Variants in PCDH11X observed in about 807,000 individuals in gnomAD.
PCDH11X encodes the protein protocadherin-11 X-linked.
A neutral mutation model predicts 53.3 loss-of-function variants in PCDH11X; 18 were observed. That is an observed-to-expected ratio of 0.34 (90% CI 0.23 to 0.50). The LOEUF (loss-of-function observed/expected upper bound fraction) is 0.50. PCDH11X is among the 20% of genes least tolerant of loss of function. The pLI, the probability that PCDH11X is intolerant of heterozygous loss-of-function variation, is 0.98. For synonymous variants in PCDH11X, 279 were observed against 393.3 expected (o/e 0.71, Z 3.44); for missense variants, 570 against 1,032.4 (o/e 0.55, Z 6.14).
At chrX:92,521,487 T>C (rs1287656163) in intron 10 of PCDH11X, among the ~76,000 whole-genome samples, 1 of 111,772 alleles carries the variant, frequency 8.9e-6, no homozygotes, top group African/African-American at 3.3e-5. Context: ...ATTCAGGCTT[T>C]GATGTTCCAT....
chrX:91,930,228 T>A (rs1440824812), intron 6 of PCDH11X, among the ~76,000 whole-genome samples: 6 of 108,021 alleles, frequency 5.6e-5, no homozygotes, highest in African/African-American at 1.7e-4. Flanking sequence ...AAAAAATTGG[T>A]AGTAATAGGT....
intron 10 of PCDH11X, among the ~76,000 whole-genome samples, chrX:92,577,502 G>A (rs754939651): frequency 1.8e-5 from 2 of 109,835 alleles, no homozygotes; most frequent in Non-Finnish European, 3.8e-5. Flanking sequence ...CCAGCTCCAA[G>A]ATTAGTTGAG....
At chrX:92,143,322 T>C (rs139681232) in intron 6 of PCDH11X, among the ~76,000 whole-genome samples, 214 of 112,192 alleles carry the variant, frequency 1.9e-3, no homozygotes, top group Non-Finnish European at 3.1e-3. Flanking sequence ...CTCCAGGCCA[T>C]GTCAGAGACT....
At chrX:91,959,767 A>ATC (rs1388052376) in intron 6 of PCDH11X, among the ~76,000 whole-genome samples, 1 of 106,194 alleles carries the variant, frequency 9.4e-6, no homozygotes, top group African/African-American at 3.4e-5. Flanking sequence ...GCATGCAGCT[A>ATC]TCTCTCTGAG....
In PCDH11X at chrX:92,217,785, T is replaced by C. The variant is rs1186204459; in HGVS notation, c.3114+16330T>C. On this transcript the variant is annotated intron_variant, in intron 7 of 10. Coordinates refer to ENST00000682573, the MANE Select transcript of PCDH11X (RefSeq NM_032968.5). ...GCACCACACCACAACTCTTCCAAAATTGACCACATAGTTGGAAGTAAAGGT... is the reference window on the plus strand; with the variant it reads ...GCACCACACCACAACTCTTCCAAAACTGACCACATAGTTGGAAGTAAAGGT... Among the ~76,000 whole-genome samples the C allele has an allele frequency of 2.7e-5, 3 of 111,187 alleles. 1 individual carries two copies. Among genetic ancestry groups the C allele is most frequent in the African/African-American group, 9.8e-5 (3 of 30,501 alleles).
At chrX:92,134,619 G>A (rs761756150) in intron 6 of PCDH11X, among the ~76,000 whole-genome samples, 3 of 111,016 alleles carry the variant, frequency 2.7e-5, no homozygotes, top group African/African-American at 6.5e-5. Context: ...GTGAAAGCAC[G>A]TTTATTAGGA....
At chrX:91,927,772 G>A (rs1489508329) in intron 6 of PCDH11X, among the ~76,000 whole-genome samples, 1 of 111,303 alleles carries the variant, frequency 9.0e-6, no homozygotes, top group Non-Finnish European at 1.9e-5. Flanking sequence ...TAGGGAAGCA[G>A]GGGAAAAAAA....
chrX:92,349,725 A>G (rs1390739625), intron 8 of PCDH11X, among the ~76,000 whole-genome samples: 3 of 111,508 alleles, frequency 2.7e-5, no homozygotes, highest in Non-Finnish European at 5.6e-5. Context: ...GAGTATGCAT[A>G]CAGTCATTCA....
chrX:92,273,395 G>A (rs915525623), intron 8 of PCDH11X, among the ~76,000 whole-genome samples: 4 of 111,505 alleles, frequency 3.6e-5, no homozygotes, highest in African/African-American at 1.3e-4. Flanking sequence ...AATGTCATCA[G>A]TTAAGGCGGG....
intron 6 of PCDH11X, among the ~76,000 whole-genome samples, chrX:92,112,412 C>T (rs2064539107): frequency 9.2e-6 from 1 of 108,892 alleles, no homozygotes; most frequent in Middle Eastern, 4.4e-3. Context: ...CCAAAGAATT[C>T]CTGAAATGTT....
intron 6 of PCDH11X, among the ~76,000 whole-genome samples, chrX:92,076,118 A>G (rs1005054900): frequency 2.8e-5 from 3 of 108,550 alleles, no homozygotes; most frequent in Admixed American, 2.0e-4. Context: ...CTGAGTGGGC[A>G]TGGGAGAGAC....
Position 92,585,168 on chromosome X carries a change from T to C in PCDH11X, c.3368-33096T>C, listed in dbSNP as rs761561703. Among the ~76,000 whole-genome samples, 7 of 109,281 alleles carry C rather than the reference T, an allele frequency of 6.4e-5. No individual in the cohort carries two copies. The South Asian group carries it at 2.8e-3, about 44-fold the overall frequency. 94.9% of individuals were successfully genotyped at this position (109,281 alleles called of 115,157 possible). ...ACACTTTTAAACAAGCAGATCTCAC[T>C]CACTATCAAAAGAACAGCATCAAGA... On this transcript the variant is annotated intron_variant, in intron 10 of 10. Coordinates refer to ENST00000682573, the MANE Select transcript of PCDH11X (RefSeq NM_032968.5).
intron 6 of PCDH11X, among the ~76,000 whole-genome samples, chrX:91,969,130 G>A (rs1380103984): frequency 1.8e-5 from 2 of 109,792 alleles, no homozygotes; most frequent in Non-Finnish European, 3.8e-5. Flanking sequence ...ACAGTATGAG[G>A]GTATAATACC....
intron 6 of PCDH11X, among the ~76,000 whole-genome samples, chrX:91,963,622 ATTTCCAAAAT>A (rs1222206531): frequency 9.0e-6 from 1 of 110,903 alleles, no homozygotes; most frequent in Non-Finnish European, 1.9e-5. Flanking sequence ...CCTGTTACCC[ATTTCCAAAAT>A]CGCTTCCACA....
At position 92,148,059 on chromosome X, in the gene PCDH11X, T is replaced by C. The variant is rs1388866124; in HGVS notation, c.3034-53316T>C. 2.8e-3 allele frequency among the ~76,000 whole-genome samples: 16 copies of C among 5,815 alleles called. 1 individual carries two copies. The highest frequency in any genetic ancestry group is 0.014 in the South Asian group (1 of 69). The allele number at this position is 5,815 out of a possible 115,157, so 5.0% of individuals were successfully genotyped here. A position where few individuals can be genotyped will look rare whatever the true frequency, so the allele number is the denominator to read the frequency against. ...TTCTTTCCCTTCCTTCCTTCCTTCC[T>C]TTCTTTCTTTCTTTCTTTCTTTCTT... On this transcript the variant is annotated intron_variant, in intron 6 of 10. Transcript: ENST00000682573.
At chrX:91,890,819 G>GTATGA (rs1940443181) in intron 6 of PCDH11X, among the ~76,000 whole-genome samples, 2 of 111,067 alleles carry the variant, frequency 1.8e-5, no homozygotes, top group South Asian at 7.5e-4. Context: ...AATGGCTATG[G>GTATGA]TATGGATTTA....
intron 9 of PCDH11X, among the ~76,000 whole-genome samples, chrX:92,467,684 C>G (rs1206701741): frequency 9.0e-6 from 1 of 110,750 alleles, no homozygotes; most frequent in Admixed American, 9.7e-5. Context: ...TGACAATAAT[C>G]TCTAATCCCT....
At chrX:92,356,973 C>T (rs971962751) in intron 8 of PCDH11X, among the ~76,000 whole-genome samples, 5 of 111,250 alleles carry the variant, frequency 4.5e-5, no homozygotes, top group African/African-American at 1.6e-4. Context: ...GAATGTGGCT[C>T]CTGTGCAACA....
rs759623426 is a variant in PCDH11X at position 92,224,469 on chromosome X, A to G, written c.3114+23014A>G. ...ACCTTGAGTTTCTACATAACAAATT[A>G]CAACTTAACTTAGTATGTAAACAAA... is the stretch of plus-strand genomic sequence containing the variant. On this transcript the variant is annotated intron_variant, in intron 7 of 10. Coordinates refer to ENST00000682573, the MANE Select transcript of PCDH11X (RefSeq NM_032968.5). 2.7e-5 allele frequency among the ~76,000 whole-genome samples: 3 copies of G among 112,145 alleles called. No individual in the cohort carries two copies. The East Asian group carries it at 8.5e-4, about 32-fold the overall frequency.
Sources: gnomAD v4.1 joint callset for allele counts (sites outside exome capture counted in the v4.1 genomes callset) on GRCh38, gnomAD v4.1.1 for gene constraint, MANE v1.5 for transcripts, NCBI Gene and HGNC (gene_info 2026-07-23, HGNC 2026-07-21) for gene names.